MBD5: variants seen among roughly 807,000 people sequenced by gnomAD.
MBD5 encodes methyl-CpG binding domain protein 5, also known as methyl-CpG-binding domain protein 5.
A neutral mutation model predicts 117.3 loss-of-function variants in MBD5; 13 were observed. The ratio of observed to expected loss-of-function variants is 0.11; its 90% CI spans 0.07 to 0.18. MBD5 has a LOEUF of 0.18. MBD5 is among the 10% of genes least tolerant of loss of function. MBD5 has a pLI of 1.00. For synonymous variants in MBD5, 727 were observed against 766.4 expected (o/e 0.95, Z 0.85); for missense variants, 1,879 against 2,093.8 (o/e 0.90, Z 2.00).
At chr2:148,106,068 T>C (rs924640481) in intron 1 of MBD5, among the ~76,000 whole-genome samples, 1 of 151,434 alleles carries the variant, frequency 6.6e-6, no homozygotes, top group Non-Finnish European at 1.5e-5. Flanking sequence ...GTTCTGCATA[T>C]GTTTCATTTT....
At chr2:148,459,101 A>T (rs144202096) in intron 5 of MBD5, among the ~76,000 whole-genome samples, 91 of 152,306 alleles carry the variant, frequency 6.0e-4, no homozygotes, top group African/African-American at 2.1e-3. Context: ...AAGAAAAATA[A>T]GAAGATTTCT....
intron 3 of MBD5, among the ~76,000 whole-genome samples, chr2:148,299,700 T>G (rs1214539174): frequency 1.3e-5 from 2 of 152,238 alleles, no homozygotes; most frequent in African/African-American, 4.8e-5. Context: ...TCCTATTTTG[T>G]TCACTGAAGT....
intron 1 of MBD5, among the ~76,000 whole-genome samples, chr2:148,116,741 A>T (rs184296665): frequency 1.1e-3 from 168 of 152,296 alleles, no homozygotes; most frequent in African/African-American, 3.7e-3. Flanking sequence ...AATACCATTT[A>T]TACTGATTGC....
chr2:148,327,196 C>T (rs1001381661), intron 3 of MBD5, among the ~76,000 whole-genome samples: 19 of 152,006 alleles, frequency 1.2e-4, no homozygotes, highest in East Asian at 1.9e-4. Context: ...GAGTTTCTGC[C>T]GAGAGATCTG....
intron 3 of MBD5, among the ~76,000 whole-genome samples, chr2:148,319,781 C>T (rs1046025583): frequency 1.1e-4 from 16 of 152,112 alleles, no homozygotes; most frequent in African/African-American, 3.1e-4. Flanking sequence ...CAAGGACTTC[C>T]GGTACTGTGT....
At chr2:148,439,842 A>C (rs1205691498) in intron 4 of MBD5, among the ~76,000 whole-genome samples, 1 of 150,646 alleles carries the variant, frequency 6.6e-6, no homozygotes. Flanking sequence ...GAGCTCAAGC[A>C]TTCCTTCTGC....
At chr2:148,231,301 T>G (rs533242035) in intron 2 of MBD5, among the ~76,000 whole-genome samples, 9 of 152,256 alleles carry the variant, frequency 5.9e-5, no homozygotes, top group Admixed American at 3.3e-4. Context: ...GGACATCAGC[T>G]GTGTTTGGTC....
Position 148,368,342 on chromosome 2 carries a change from G to A in MBD5, c.-557+26006G>A, listed in dbSNP as rs140179133. On this transcript the variant is annotated intron_variant, in intron 4 of 13. Coordinates refer to ENST00000642680, the MANE Select transcript of MBD5 (RefSeq NM_001378120.1). ...GGCCTGTCAGGGGTTAGGGGGTATG[G>A]AAGGGATAGCATTAGGAGAAATACC... Among the ~76,000 whole-genome samples, 395 of 152,184 alleles carry A rather than the reference G, an allele frequency of 2.6e-3. 3 individuals carry two copies. The highest frequency in any genetic ancestry group is 3.5e-3 in the South Asian group (17 of 4,820).
intron 3 of MBD5, among the ~76,000 whole-genome samples, chr2:148,268,396 T>C (rs1700908628): frequency 6.6e-6 from 1 of 151,788 alleles, no homozygotes; most frequent in Non-Finnish European, 1.5e-5. Flanking sequence ...TTTCTTTCTG[T>C]TATACTTTAT....
intron 2 of MBD5, among the ~76,000 whole-genome samples, chr2:148,226,354 C>T (rs988040773): frequency 1.3e-5 from 2 of 152,026 alleles, no homozygotes; most frequent in African/African-American, 4.8e-5. Flanking sequence ...TGAGTGAGAA[C>T]ATGTGGTGTT....
chr2:148,511,280 A>C (rs1682206544), intron 13 of MBD5, among the ~76,000 whole-genome samples: 1 of 152,240 alleles, frequency 6.6e-6, no homozygotes, highest in African/African-American at 2.4e-5. Context: ...ACCTGACCTA[A>C]TCATATGGCC....
At chr2:148,149,806 A>G (rs1170556597) in intron 1 of MBD5, among the ~76,000 whole-genome samples, 1 of 151,270 alleles carries the variant, frequency 6.6e-6, no homozygotes, top group Non-Finnish European at 1.5e-5. Flanking sequence ...TTTCTTGTAA[A>G]TTTGTTTGAG....
chr2:148,305,381 A>G (rs1559014319), intron 3 of MBD5, among the ~76,000 whole-genome samples: 1 of 152,354 alleles, frequency 6.6e-6, no homozygotes, highest in East Asian at 1.9e-4. Context: ...TGGTATGAAC[A>G]ATCAGGCATT....
intron 1 of MBD5, among the ~76,000 whole-genome samples, chr2:148,127,619 A>C (rs1483527889): frequency 2.0e-5 from 3 of 152,006 alleles, no homozygotes; most frequent in East Asian, 1.9e-4. Flanking sequence ...CATTTTCTTT[A>C]TTTAGTCTAT....
In MBD5 at chr2:148,468,748, A is replaced by C. The variant is rs768720064; in HGVS notation, c.805A>C (p.Asn269His). 1 of 1,613,896 alleles carries C rather than the reference A, an allele frequency of 6.2e-7. No homozygotes were observed. The highest frequency in any genetic ancestry group is 1.1e-5 in the South Asian group (1 of 91,074). The change falls in exon 8 of 14, where the codon AAT becomes CAT. Residue 269 changes from asparagine to histidine, a missense_variant. Around this residue, in one of 4 missense-constraint regions of MBD5, gnomAD observed 1,666 missense variants for 1,792.2 expected, o/e 0.93. Transcript: ENST00000642680. Reference sequence around the variant, plus strand: ...TCCCAATTCTAGTCCTATTCACCTGAATAGGACTCCTCTTTCTCCACCTTC... The same window carrying C: ...TCCCAATTCTAGTCCTATTCACCTGCATAGGACTCCTCTTTCTCCACCTTC... ...GAPNSSPIHLNRTPLSPPSVM... is the reference protein window; with the variant it reads ...GAPNSSPIHLHRTPLSPPSVM...
At chr2:148,202,969 G>A (rs2105965819) in intron 2 of MBD5, among the ~76,000 whole-genome samples, 1 of 152,190 alleles carries the variant, frequency 6.6e-6, no homozygotes, top group East Asian at 1.9e-4. Flanking sequence ...GCCAGATGTG[G>A]TGGCAGGCAC....
At chr2:148,465,646 C>T (rs1707237597) in intron 7 of MBD5, among the ~76,000 whole-genome samples, 1 of 151,928 alleles carries the variant, frequency 6.6e-6, no homozygotes. Flanking sequence ...TAATGAGTGT[C>T]GCATAATAAG....
intron 3 of MBD5, among the ~76,000 whole-genome samples, chr2:148,312,769 T>C (rs1702064182): frequency 6.6e-6 from 1 of 152,218 alleles, no homozygotes; most frequent in Non-Finnish European, 1.5e-5. Flanking sequence ...AGCTGGTTTT[T>C]CCTTGTCTTC....
At chr2:148,512,381 T>C (rs973543175) in intron 13 of MBD5, 5 of 206,048 alleles carry the variant, frequency 2.4e-5, no homozygotes, top group African/African-American at 1.2e-4. Flanking sequence ...CTGAGCTATG[T>C]GTGCATGTTA....
Sources: allele counts gnomAD v4.1 joint callset (sites outside exome capture counted in the v4.1 genomes callset), GRCh38; gene constraint gnomAD v4.1.1; regional missense constraint gnomAD v4.1.1; transcripts MANE v1.5; gene names NCBI Gene and HGNC (gene_info 2026-07-23, HGNC 2026-07-21).